FBXO11: variants seen among roughly 807,000 people sequenced by gnomAD.
FBXO11 encodes F-box protein 11.
In FBXO11, 13 loss-of-function variants were observed where a neutral mutation model predicts 117.0. The ratio of observed to expected loss-of-function variants is 0.11; its 90% confidence interval spans 0.07 to 0.18. The LOEUF (loss-of-function observed/expected upper bound fraction) is 0.18. Among genes scored for constraint, FBXO11 ranks in the 10% least tolerant of loss-of-function variants. FBXO11 has a pLI of 1.00. For missense variants in FBXO11, 767 were observed against 1,164.4 expected, an observed-to-expected ratio of 0.66 and a Z score of 4.97; for synonymous variants, 490 against 380.5, an observed-to-expected ratio of 1.29 and a Z score of -3.35.
chr2:47,838,072 A>G (rs1160630713), intron 4 of FBXO11, among the ~76,000 whole-genome samples: 1 of 151,482 alleles, frequency 6.6e-6, no homozygotes, highest in East Asian at 1.9e-4. Context: ...AAAAAAAAAA[A>G]AAAAAAAAAA....
At chr2:47,871,629 C>T (rs537964615) in intron 1 of FBXO11, among the ~76,000 whole-genome samples, 3 of 152,130 alleles carry the variant, frequency 2.0e-5, no homozygotes, top group African/African-American at 7.2e-5. Context: ...TTCCATAAAC[C>T]GCCTATTTAG....
chr2:47,903,449 A>T, intron 1 of FBXO11, among the ~76,000 whole-genome samples: 1 of 152,238 alleles, frequency 6.6e-6, no homozygotes, highest in East Asian at 1.9e-4. Context: ...CAATGAGAAG[A>T]AAATTGACAC....
At chr2:47,810,008 G>C (rs1670504852) in intron 19 of FBXO11, 1 of 483,742 alleles carries the variant, frequency 2.1e-6, no homozygotes, top group African/African-American at 2.0e-5. Flanking sequence ...GATTTAAACT[G>C]GTAAATTCAT....
At chr2:47,847,881 T>C (rs1043129742) in intron 1 of FBXO11, among the ~76,000 whole-genome samples, 2 of 151,988 alleles carry the variant, frequency 1.3e-5, no homozygotes, top group African/African-American at 4.8e-5. Context: ...TCCCAGCACT[T>C]TGGGAGGCTG....
At chr2:47,837,220 A>C (rs1345032344) in intron 4 of FBXO11, among the ~76,000 whole-genome samples, 2 of 151,878 alleles carry the variant, frequency 1.3e-5, no homozygotes, top group South Asian at 2.1e-4. Context: ...CTCCTTTGTA[A>C]TTTTTCTCTT....
chr2:47,836,357 G>C (rs374854897), intron 4 of FBXO11, among the ~76,000 whole-genome samples: 90 of 152,210 alleles, frequency 5.9e-4, no homozygotes, highest in African/African-American at 2.1e-3. Context: ...GTTGCATATG[G>C]AAATTATGTT....
intron 1 of FBXO11, among the ~76,000 whole-genome samples, chr2:47,863,055 C>CAAAAAAAAAAAAAAAAAAA (rs763187950): frequency 5.4e-5 from 4 of 73,944 alleles, no homozygotes; most frequent in Non-Finnish European, 5.4e-5. Context: ...AACTGTGTCT[C>CAAAAAAAAAAAAAAAAAAA]AAAAAAAAAA....
intron 4 of FBXO11, among the ~76,000 whole-genome samples, chr2:47,838,424 A>G (rs1241148291): frequency 6.8e-6 from 1 of 146,962 alleles, no homozygotes; most frequent in Non-Finnish European, 1.5e-5. Flanking sequence ...ACTTTTCAGA[A>G]GTAGAATTAC....
chr2:47,821,395 G>C (rs1407842108), intron 13 of FBXO11, among the ~76,000 whole-genome samples: 1 of 152,138 alleles, frequency 6.6e-6, no homozygotes, highest in Non-Finnish European at 1.5e-5. Context: ...CAGATCACAA[G>C]GTCAGGAGAT....
At chr2:47,810,476 C>A in intron 18 of FBXO11, 50 bp from the exon 19 acceptor site, 1 of 1,162,694 alleles carries the variant, frequency 8.6e-7, no homozygotes, top group Non-Finnish European at 1.2e-6. Context: ...TAACAGACTA[C>A]TAACCTTTTT....
intron 1 of FBXO11, among the ~76,000 whole-genome samples, chr2:47,841,223 A>C (rs184358824): frequency 9.2e-5 from 14 of 152,142 alleles, no homozygotes; most frequent in Non-Finnish European, 1.5e-4. Flanking sequence ...ACCAAAAAAC[A>C]AAACTGGTAA....
intron 1 of FBXO11, among the ~76,000 whole-genome samples, chr2:47,892,492 C>T (rs753881535): frequency 2.0e-5 from 3 of 152,178 alleles, no homozygotes; most frequent in African/African-American, 4.8e-5. Context: ...AGTTTTTCAA[C>T]TCTAGATATA....
intron 5 of FBXO11, among the ~76,000 whole-genome samples, chr2:47,835,278 C>T (rs1009549523): frequency 8.5e-5 from 13 of 152,150 alleles, no homozygotes; most frequent in Admixed American, 8.5e-4. Context: ...CTGAGACTCA[C>T]TCACGAAGGG....
chr2:47,892,447 G>A (rs1677326600), intron 1 of FBXO11, among the ~76,000 whole-genome samples: 2 of 152,162 alleles, frequency 1.3e-5, no homozygotes, highest in South Asian at 4.1e-4. Context: ...TTTACATACT[G>A]TGATCAACCT....
intron 1 of FBXO11, among the ~76,000 whole-genome samples, chr2:47,897,686 G>A (rs1367905329): frequency 8.4e-6 from 1 of 118,564 alleles, no homozygotes; most frequent in Admixed American, 1.1e-4. Flanking sequence ...GACAGAGTGA[G>A]ACTGTGTCTT....
chr2:47,905,546 G>A lies in FBXO11; in HGVS notation c.175C>T (p.Pro59Ser). ...PQQQQQQQPP[P>S]PPPPPPPLPQ... ...AGCGGCGGAGGCGGCGGTGGCGGCG[G>A]CGGAGGCTGCTGCTGCTGCTGCTGC... The change falls in exon 1 of 23, where the codon CCG becomes TCG. Residue 59 changes from proline (P) to serine (S), a missense_variant. Pro to Ser is a moderately conservative substitution (Grantham distance 74, BLOSUM62 -1). Transcript: ENST00000403359. 2 of 1,243,184 alleles carry A rather than the reference G, an allele frequency of 1.6e-6. No homozygotes were observed. The highest frequency in any genetic ancestry group is 2.0e-6 in the Non-Finnish European group (2 of 996,446). The allele number at this position is 1,243,184 out of a possible 1,614,324, so 77.0% of individuals were successfully genotyped here.
intron 1 of FBXO11, among the ~76,000 whole-genome samples, chr2:47,881,081 G>A (rs1348851184): frequency 2.0e-5 from 3 of 152,094 alleles, no homozygotes; most frequent in Admixed American, 1.3e-4. Context: ...GGTGAAACCC[G>A]TCTCTACTAA....
chr2:47,813,172 T>C, intron 18 of FBXO11, 62 bp downstream of exon 18: 3 of 1,488,820 alleles, frequency 2.0e-6, no homozygotes, highest in Non-Finnish European at 2.8e-6. Context: ...CATTGATCAT[T>C]AAAGATATGG....
chr2:47,848,412 G>A (rs1040228721), intron 1 of FBXO11, among the ~76,000 whole-genome samples: 1 of 152,162 alleles, frequency 6.6e-6, no homozygotes, highest in Non-Finnish European at 1.5e-5. Flanking sequence ...ATTATGTGGT[G>A]CATGTCTGAT....
Sources: allele counts gnomAD v4.1 joint callset (sites outside exome capture counted in the v4.1 genomes callset), GRCh38; gene constraint gnomAD v4.1.1; transcripts MANE v1.5; gene names NCBI Gene and HGNC (gene_info 2026-07-23, HGNC 2026-07-21).